Variants in SLC30A7 observed in about 807,000 individuals in gnomAD.
The protein encoded by SLC30A7 is zinc transporter 7.
A neutral mutation model predicts 46.0 loss-of-function variants in SLC30A7; 35 were observed. The observed-to-expected ratio is 0.76, with a 90% CI of 0.58 to 1.01. SLC30A7 has a LOEUF of 1.01. SLC30A7 is among the 50% of genes least tolerant of loss of function. The probability of loss-of-function intolerance (pLI) is 0.00; values close to 1 mark genes in which losing one functional copy is unlikely to be tolerated. For missense variants in SLC30A7, 464 were observed against 451.1 expected, an observed-to-expected ratio of 1.03 and a Z score of -0.26; for synonymous variants, 147 against 157.8, an observed-to-expected ratio of 0.93 and a Z score of 0.51.
intron 8 of SLC30A7, among the ~76,000 whole-genome samples, chr1:100,956,432 A>G (rs1655231529): frequency 6.6e-6 from 1 of 152,188 alleles, no homozygotes; most frequent in East Asian, 1.9e-4. Flanking sequence ...GGCAACACAC[A>G]TGGAATACAC....
downstream of SLC30A7, among the ~76,000 whole-genome samples, chr1:100,982,455 A>G (rs1185938608): frequency 6.6e-6 from 1 of 152,228 alleles, no homozygotes; most frequent in Non-Finnish European, 1.5e-5. Context: ...CAAATTCAAA[A>G]TTGAAGAAAA....
In SLC30A7 at chr1:100,943,212, G is replaced by C. The variant is rs1188023768; in HGVS notation, c.843-18616G>C. ...CCCAGGTTAGTTTGCCTGTGCTTCTGACTGACCGGCTATAAACTGGGGATC... is the reference window on the plus strand; with the variant it reads ...CCCAGGTTAGTTTGCCTGTGCTTCTCACTGACCGGCTATAAACTGGGGATC... On this transcript the variant is annotated intron_variant, in intron 8 of 10. Coordinates refer to ENST00000357650, the MANE Select transcript of SLC30A7 (RefSeq NM_133496.5). Among the ~76,000 whole-genome samples, 5 of 152,154 alleles carry C rather than the reference G, an allele frequency of 3.3e-5. No individual in the cohort carries two copies. In the East Asian group the frequency reaches 9.6e-4, roughly 29 times the overall value.
At chr1:100,966,618 C>T (rs994687723) in intron 10 of SLC30A7, among the ~76,000 whole-genome samples, 8 of 150,952 alleles carry the variant, frequency 5.3e-5, no homozygotes, top group South Asian at 2.1e-4. Flanking sequence ...TTTTTTTTTC[C>T]GAACACAGAC....
chr1:100,985,668 GTCT>G (rs970746770), downstream of SLC30A7, among the ~76,000 whole-genome samples: 24 of 151,988 alleles, frequency 1.6e-4, no homozygotes, highest in African/African-American at 5.5e-4. Context: ...TGGAAGAACA[GTCT>G]TCTTATCAAG....
At chr1:100,923,374 A>AT (rs139980349) in intron 8 of SLC30A7, among the ~76,000 whole-genome samples, 2,567 of 151,390 alleles carry the variant, frequency 0.017, 68 homozygotes, top group African/African-American at 0.058. Flanking sequence ...ATAAATGGAG[A>AT]TTTTTTTTTA....
intron 8 of SLC30A7, chr1:100,941,925 A>G: frequency 3.3e-6 from 1 of 298,804 alleles, no homozygotes; most frequent in South Asian, 4.3e-5. Flanking sequence ...TTTGTTTCAA[A>G]GCCAACCCTC....
chr1:100,964,253 A>G (rs1358249609), intron 9 of SLC30A7, among the ~76,000 whole-genome samples: 1 of 148,570 alleles, frequency 6.7e-6, no homozygotes, highest in Non-Finnish European at 1.5e-5. Flanking sequence ...ATATGTATAT[A>G]TACACAATAT....
intron 8 of SLC30A7, among the ~76,000 whole-genome samples, chr1:100,959,271 T>C (rs1326419653): frequency 6.6e-6 from 1 of 152,214 alleles, no homozygotes; most frequent in Non-Finnish European, 1.5e-5. Flanking sequence ...TTTATGTAGA[T>C]TAGTCTAACG....
Position 100,962,003 on chromosome 1 carries a change from T to C in SLC30A7, c.933+85T>C, listed in dbSNP as rs568508014. The C allele has an allele frequency of 9.5e-5, 66 of 691,444 alleles. No individual in the cohort carries two copies. In the South Asian group the frequency reaches 1.4e-3, roughly 15 times the overall value. The allele number at this position is 691,444 out of a possible 1,614,324, so 42.8% of individuals were successfully genotyped here. ...AGCTTTCACAAATATGGGTAACATG[T>C]GTGTATAATTGACTGTTTCTTCCAA... On this transcript the variant is annotated intron_variant, in intron 9 of 10. Transcript: ENST00000357650.
chr1:100,908,643 T>C (rs1017578559), intron 3 of SLC30A7, among the ~76,000 whole-genome samples: 4 of 152,202 alleles, frequency 2.6e-5, no homozygotes, highest in African/African-American at 9.6e-5. Context: ...GAACGCTTTT[T>C]ATGGCATGAT....
chr1:100,908,167 T>A lies in SLC30A7; in HGVS notation c.296+1202T>A, dbSNP rs115967189. ...TCCTTTTTACAGCCATCTTCTTTCA[T>A]GTACTGTCTCTTAGGCCTCTTGTTA... is the stretch of plus-strand genomic sequence containing the variant. On this transcript the variant is annotated intron_variant, in intron 3 of 10. Coordinates refer to ENST00000357650, the MANE Select transcript of SLC30A7 (RefSeq NM_133496.5). Among the ~76,000 whole-genome samples the A allele has an allele frequency of 2.0e-5, 3 of 152,196 alleles. No homozygotes were observed. In the East Asian group the frequency reaches 5.8e-4, roughly 29 times the overall value.
At chr1:100,957,193 A>G (rs1169251855) in intron 8 of SLC30A7, among the ~76,000 whole-genome samples, 2 of 152,198 alleles carry the variant, frequency 1.3e-5, no homozygotes, top group African/African-American at 4.8e-5. Flanking sequence ...CTAGGTCACC[A>G]TTGCCACAAC....
Position 100,981,199 on chromosome 1 carries a change from A to G in SLC30A7, c.*6342A>G, listed in dbSNP as rs924882356. ...ACATACTGTGCTACAGTTAGCCTCA[A>G]TGAAGATTCTATTTTGAACTAGACA... On this transcript the variant is annotated 3_prime_UTR_variant, in exon 11 of 11. Transcript: ENST00000357650. 1 of 152,098 alleles carries G rather than the reference A, an allele frequency of 6.6e-6. No homozygotes were observed. The highest frequency in any genetic ancestry group is 2.4e-5 in the African/African-American group (1 of 41,450). 9.4% of individuals were successfully genotyped at this position (152,098 alleles called of 1,614,324 possible).
intron 8 of SLC30A7, chr1:100,941,056 C>T: frequency 3.1e-6 from 1 of 323,610 alleles, no homozygotes; most frequent in Non-Finnish European, 6.0e-6. Context: ...GCTATTGGAA[C>T]TGCCACAGCC....
At chr1:100,950,429 A>C (rs986176790) in intron 8 of SLC30A7, among the ~76,000 whole-genome samples, 9 of 152,302 alleles carry the variant, frequency 5.9e-5, no homozygotes, top group Admixed American at 3.3e-4. Context: ...GTTTACTTAA[A>C]CATGTAACTT....
intron 8 of SLC30A7, among the ~76,000 whole-genome samples, chr1:100,938,665 A>G (rs1260630244): frequency 6.6e-6 from 1 of 152,212 alleles, no homozygotes; most frequent in Non-Finnish European, 1.5e-5. Context: ...GCTCAGGACC[A>G]TCTTGCAAGC....
rs201479480 is a variant in SLC30A7 at position 100,906,948 on chromosome 1, T to C, written c.279T>C (p.Asn93=). 1.9e-6 allele frequency: 3 copies of C among 1,609,818 alleles called. No individual in the cohort carries two copies. Among genetic ancestry groups the C allele is most frequent in the Admixed American group, 1.7e-5 (1 of 59,946 alleles). The change falls in exon 3 of 11, where the codon AAT becomes AAC. Residue 93 remains asparagine, a synonymous_variant. Coordinates refer to ENST00000357650, the MANE Select transcript of SLC30A7 (RefSeq NM_133496.5). ...CTGTTATTTCAAAATGGAGAGATAA[T>C]GATGCTTTCTCCTATGGGTAAGACT... ...AASVISKWRD[N]DAFSYGYVRA...
intron 6 of SLC30A7, among the ~76,000 whole-genome samples, chr1:100,916,180 ATTATTTAT>A (rs954806242): frequency 6.7e-6 from 1 of 150,268 alleles, no homozygotes; most frequent in East Asian, 2.0e-4. Flanking sequence ...GTATATTCTT[ATTATTTAT>A]TTATTTATTT....
Position 100,980,706 on chromosome 1 carries a change from T to TC in SLC30A7, c.*5850dup, listed in dbSNP as rs1486211138. 2 of 152,030 alleles carry TC rather than the reference T, an allele frequency of 1.3e-5. No homozygotes were observed. The highest frequency in any genetic ancestry group is 2.9e-5 in the Non-Finnish European group (2 of 67,924). 9.4% of individuals were successfully genotyped at this position (152,030 alleles called of 1,614,324 possible). A position where few individuals can be genotyped will look rare whatever the true frequency, so the allele number is the denominator to read the frequency against. On this transcript the variant is annotated 3_prime_UTR_variant, in exon 11 of 11. Coordinates refer to ENST00000357650, the MANE Select transcript of SLC30A7 (RefSeq NM_133496.5). The stretch of plus-strand genomic sequence containing the variant: ...AGCCCTATGAGCTGCTCATTCTTTT[T>TC]CATATACAGTGGAAGTATACAGATG...
Sources: allele counts gnomAD v4.1 joint callset (sites outside exome capture counted in the v4.1 genomes callset), GRCh38; gene constraint gnomAD v4.1.1; transcripts MANE v1.5; gene names NCBI Gene and HGNC (gene_info 2026-07-23, HGNC 2026-07-21).